The following PAFAH1B2 variants were observed in gnomAD, a reference collection of about 807,000 sequenced individuals.
PAFAH1B2 encodes the protein platelet-activating factor acetylhydrolase IB subunit alpha2.
A neutral mutation model predicts 28.0 loss-of-function variants in PAFAH1B2; 8 were observed. That is an observed-to-expected ratio of 0.29 (90% CI 0.17 to 0.52). The LOEUF (loss-of-function observed/expected upper bound fraction) is 0.52. Ranked by LOEUF, PAFAH1B2 falls within the 20% of genes least tolerant of loss-of-function variation. The pLI is 0.97. For missense variants in PAFAH1B2, 190 were observed against 282.6 expected (o/e 0.67, Z 2.35); for synonymous variants, 104 against 103.2 (o/e 1.01, Z -0.05).
intron 2 of PAFAH1B2, among the ~76,000 whole-genome samples, chr11:117,155,458 T>C (rs1591738483): frequency 6.6e-6 from 1 of 152,208 alleles, no homozygotes; most frequent in South Asian, 2.1e-4. Flanking sequence ...TCAGTAGACA[T>C]GATAGGAAGT....
chr11:117,147,446 C>T (rs1956040199), intron 1 of PAFAH1B2, among the ~76,000 whole-genome samples: 1 of 152,156 alleles, frequency 6.6e-6, no homozygotes, highest in Admixed American at 6.6e-5. Context: ...AGTCCACCTG[C>T]CTTAGTGTCC....
At position 117,170,252 on chromosome 11, in the gene PAFAH1B2, G is replaced by A. The variant is rs1956619576; in HGVS notation, c.*2553G>A. ...ACTGTCCAAGTGAAATGTCCTAGTT[G>A]TCATTGTGATTAAGGGGCCAACTTT... is the stretch of plus-strand genomic sequence containing the variant. On this transcript the variant is annotated 3_prime_UTR_variant, in exon 6 of 6. Transcript: ENST00000527958. The A allele has an allele frequency of 9.4e-7, 1 of 1,061,350 alleles. No individual in the cohort carries two copies. The highest frequency in any genetic ancestry group is 1.6e-5 in the African/African-American group (1 of 60,662). The allele number at this position is 1,061,350 out of a possible 1,614,324, so 65.7% of individuals were successfully genotyped here. A position where few individuals can be genotyped will look rare whatever the true frequency, so the allele number is the denominator to read the frequency against.
intron 2 of PAFAH1B2, among the ~76,000 whole-genome samples, chr11:117,153,370 A>T (rs1022455056): frequency 1.2e-5 from 1 of 86,074 alleles, no homozygotes; most frequent in South Asian, 2.7e-4. Context: ...ATTTTGTTTT[A>T]GTTTTTTTTT....
rs150627380 is a variant in PAFAH1B2, at chr11:117,170,626, TA to T, written c.*2948del. The T allele has an allele frequency of 0.36, 326,768 of 899,450 alleles. 6,608 individuals are homozygous for T. The highest frequency in any genetic ancestry group is 0.41 in the African/African-American group (20,443 of 49,660). 55.7% of individuals were successfully genotyped at this position (899,450 alleles called of 1,614,324 possible). ...CCGGCTCTTAGGAATTTTGTCTGTT[TA>T]AAAAAAAAAAAAAAAAAAAAGTCCA... On this transcript the variant is annotated 3_prime_UTR_variant, in exon 6 of 6. Transcript: ENST00000527958.
At chr11:117,156,164 G>A (rs61905515) in intron 2 of PAFAH1B2, among the ~76,000 whole-genome samples, 1 of 152,154 alleles carries the variant, frequency 6.6e-6, no homozygotes, top group Admixed American at 6.6e-5. Flanking sequence ...TCCACCCTCG[G>A]TGACGGAGCA....
intron 5 of PAFAH1B2, chr11:117,164,142 T>C: frequency 9.8e-6 from 3 of 307,020 alleles, no homozygotes; most frequent in African/African-American, 2.2e-5. Context: ...GCGCTGTGGC[T>C]CACGCCTGTA....
At chr11:117,174,881 C>T (rs1367894916), downstream of PAFAH1B2, 1 of 1,509,102 alleles carries the variant, frequency 6.6e-7, no homozygotes, top group Non-Finnish European at 8.9e-7. Context: ...TCCCAAAGTG[C>T]TGGGATTACA....
chr11:117,146,966 A>G (rs1336429528), intron 1 of PAFAH1B2, among the ~76,000 whole-genome samples: 2 of 150,688 alleles, frequency 1.3e-5, no homozygotes, highest in Non-Finnish European at 3.0e-5. Context: ...GCCCTATCTC[A>G]AAAAAAACAA....
Position 117,169,873 on chromosome 11 carries a change from T to C in PAFAH1B2, c.*2174T>C. ...GGGAGTATGGTCCAAATAAATCCAT[T>C]AGGTTACTCCTGCAGCATGCGCTTT... On this transcript the variant is annotated 3_prime_UTR_variant, in exon 6 of 6. Coordinates refer to ENST00000527958, the MANE Select transcript of PAFAH1B2 (RefSeq NM_002572.4). 2 of 1,054,760 alleles carry C rather than the reference T, an allele frequency of 1.9e-6. No homozygotes were observed. The highest frequency in any genetic ancestry group is 2.3e-6 in the Non-Finnish European group (2 of 872,648). The allele number at this position is 1,054,760 out of a possible 1,614,324, so 65.3% of individuals were successfully genotyped here. A position where few individuals can be genotyped will look rare whatever the true frequency, so the allele number is the denominator to read the frequency against.
chr11:117,145,485 C>T (rs1433894115), intron 1 of PAFAH1B2, among the ~76,000 whole-genome samples: 1 of 152,134 alleles, frequency 6.6e-6, no homozygotes. Flanking sequence ...GGAGAAAGTG[C>T]TTAATTAAGA....
Position 117,170,512 on chromosome 11 carries a change from GCTACTTGAA to G in PAFAH1B2, c.*2816_*2824del, listed in dbSNP as rs1956627984. The G allele has an allele frequency of 2.8e-6, 3 of 1,059,066 alleles. No homozygotes were observed. In the East Asian group the frequency reaches 1.5e-4, roughly 55 times the overall value. The allele number at this position is 1,059,066 out of a possible 1,614,324, so 65.6% of individuals were successfully genotyped here. ...ACAGCGCTCTGGCTACCACCGTGAG[GCTACTTGAA>G]CTGTCAGGGGCATCTGCCTAAACCA... On this transcript the variant is annotated 3_prime_UTR_variant, in exon 6 of 6. Transcript: ENST00000527958.
At position 117,146,780 on chromosome 11, in the gene PAFAH1B2, C is replaced by G. The variant is rs1334932348; in HGVS notation, c.-8+2362C>G. Reference sequence around the variant, plus strand: ...CTTTGGGAGGCCAAGGCAGCAGGATCACTTGAGCCTAGGAGTTCAAGATCA... The same window carrying G: ...CTTTGGGAGGCCAAGGCAGCAGGATGACTTGAGCCTAGGAGTTCAAGATCA... On this transcript the variant is annotated intron_variant, in intron 1 of 5. Coordinates refer to ENST00000527958, the MANE Select transcript of PAFAH1B2 (RefSeq NM_002572.4). Among the ~76,000 whole-genome samples the G allele has an allele frequency of 2.7e-5, 4 of 150,156 alleles. No homozygotes were observed. In the East Asian group the frequency reaches 7.9e-4, roughly 30 times the overall value.
downstream of PAFAH1B2, chr11:117,175,691 T>C (rs1035086166): frequency 1.7e-6 from 2 of 1,197,850 alleles, no homozygotes; most frequent in Non-Finnish European, 1.1e-6. Flanking sequence ...TTTTCTGGGC[T>C]CCACCTCCCA....
Position 117,163,745 on chromosome 11 carries a change from TC to T in PAFAH1B2, c.289-19del, listed in dbSNP as rs755281764. 37 of 1,609,544 alleles carry T rather than the reference TC, an allele frequency of 2.3e-5. No homozygotes were observed. In the South Asian group the frequency reaches 4.1e-4, roughly 18 times the overall value. On this transcript the variant is annotated intron_variant, in intron 4 of 5. Transcript: ENST00000527958. ...TGTTCCTGGGTATTTATCTTCTCCTTCCCCCCTTTTTTCTTCAATTGCAGGT... is the reference window on the plus strand; with the variant it reads ...TGTTCCTGGGTATTTATCTTCTCCTTCCCCCTTTTTTCTTCAATTGCAGGT...
Position 117,168,419 on chromosome 11 carries a change from TTTCCCCTTCA to T in PAFAH1B2, c.*727_*736del, listed in dbSNP as rs201596909. ...CTCCTTATTCCCCTTCATGCCCCCC[TTTCCCCTTCA>T]TTCCCCCCGCCACCCCGTTTTTTTT... On this transcript the variant is annotated 3_prime_UTR_variant, in exon 6 of 6. Coordinates refer to ENST00000527958, the MANE Select transcript of PAFAH1B2 (RefSeq NM_002572.4). 1.8e-3 allele frequency: 1,173 copies of T among 644,906 alleles called. 9 individuals are homozygous for T. In the African/African-American group the frequency reaches 0.026, roughly 14 times the overall value. 39.9% of individuals were successfully genotyped at this position (644,906 alleles called of 1,614,324 possible).
At chr11:117,165,422 C>T (rs1023587964) in intron 5 of PAFAH1B2, among the ~76,000 whole-genome samples, 3 of 151,482 alleles carry the variant, frequency 2.0e-5, no homozygotes, top group African/African-American at 4.9e-5. Flanking sequence ...AAATCTGATA[C>T]AAATTTAGTT....
intron 2 of PAFAH1B2, among the ~76,000 whole-genome samples, chr11:117,157,875 C>T (rs963473194): frequency 7.2e-5 from 11 of 152,168 alleles, no homozygotes; most frequent in African/African-American, 1.9e-4. Context: ...CGGTAGTTCA[C>T]GCCTGTAATC....
In PAFAH1B2 at chr11:117,144,348, C is replaced by CCGAG; in HGVS notation, c.-70_-67dup. The CCGAG allele has an allele frequency of 2.4e-6, 1 of 422,244 alleles. No individual in the cohort carries two copies. The highest frequency in any genetic ancestry group is 8.6e-5 in the East Asian group (1 of 11,652). 26.2% of individuals were successfully genotyped at this position (422,244 alleles called of 1,614,324 possible). ...ACGCGCCGGAGCGGGACCGACGGGACCGAGCGAGCGACCGACGCGCCACCC... is the reference window on the plus strand; with the variant it reads ...ACGCGCCGGAGCGGGACCGACGGGACCGAGCGAGCGAGCGACCGACGCGCCACCC... On this transcript the variant is annotated 5_prime_UTR_variant, in exon 1 of 6. Transcript: ENST00000527958.
At position 117,169,037 on chromosome 11, in the gene PAFAH1B2, C is replaced by T. The variant is rs1956585315; in HGVS notation, c.*1338C>T. ...AACTCCTGACCTCAGGTGATCTGCCCGCCTTGGCCTCCCAAAGTGCTGGGA... is the reference window on the plus strand; with the variant it reads ...AACTCCTGACCTCAGGTGATCTGCCTGCCTTGGCCTCCCAAAGTGCTGGGA... On this transcript the variant is annotated 3_prime_UTR_variant, in exon 6 of 6. Coordinates refer to ENST00000527958, the MANE Select transcript of PAFAH1B2 (RefSeq NM_002572.4). 1.1e-5 allele frequency: 8 copies of T among 702,492 alleles called. No homozygotes were observed. The highest frequency in any genetic ancestry group is 3.8e-5 in the African/African-American group (2 of 52,370). The allele number at this position is 702,492 out of a possible 1,614,324, so 43.5% of individuals were successfully genotyped here.
Sources: gnomAD v4.1 joint callset for allele counts (sites outside exome capture counted in the v4.1 genomes callset) on GRCh38, gnomAD v4.1.1 for gene constraint, MANE v1.5 for transcripts, NCBI Gene and HGNC (gene_info 2026-07-23, HGNC 2026-07-21) for gene names.